SMAD9: variants seen among roughly 807,000 people sequenced by gnomAD.
SMAD9 encodes the protein MAD homolog 9.
SMAD9 carries 36 observed loss-of-function variants against 46.1 expected under a neutral mutation model. That is an observed-to-expected ratio of 0.78 (90% CI 0.60 to 1.03). The LOEUF (loss-of-function observed/expected upper bound fraction) is 1.03. Among genes scored for constraint, SMAD9 ranks in the 50% least tolerant of loss-of-function variants. SMAD9 has a pLI of 0.00. For missense variants in SMAD9, 572 were observed against 599.8 expected, an observed-to-expected ratio of 0.95 and a Z score of 0.48; for synonymous variants, 245 against 237.1, an observed-to-expected ratio of 1.03 and a Z score of -0.31.
chr13:36,865,827 C>T (rs3748305), intron 4 of SMAD9, 69 bp from the exon 5 acceptor site: 1 of 1,289,754 alleles, frequency 7.8e-7, no homozygotes, highest in Non-Finnish European at 1.1e-6. Context: ...ATGATTCCAC[C>T]AGGAAACTTA....
intron 1 of SMAD9, among the ~76,000 whole-genome samples, chr13:36,914,173 C>T (rs1413574853): frequency 1.3e-5 from 2 of 152,144 alleles, no homozygotes; most frequent in Admixed American, 6.5e-5. Context: ...ACCCTCTTTC[C>T]ACACTTAGGT....
intron 5 of SMAD9, among the ~76,000 whole-genome samples, chr13:36,854,603 C>G (rs2058105427): frequency 1.3e-5 from 2 of 152,104 alleles, no homozygotes; most frequent in African/African-American, 4.8e-5. Flanking sequence ...AACTCCCAAC[C>G]TCAAGTAATC....
intron 1 of SMAD9, among the ~76,000 whole-genome samples, chr13:36,911,377 C>T (rs765737661): frequency 4.6e-5 from 7 of 152,090 alleles, no homozygotes; most frequent in East Asian, 1.9e-4. Flanking sequence ...GCTTTACTAA[C>T]GCAATACAAT....
chr13:36,867,279 T>C lies in SMAD9; in HGVS notation c.775A>G (p.Asn259Asp). 1 of 1,539,414 alleles carries C rather than the reference T, an allele frequency of 6.5e-7. No individual in the cohort carries two copies. Reference sequence around the variant, plus strand: ...CTGTTCATCTGCAATTTACCTCCATTTGGTATCGATAGCACTACATGTCTA... The same window carrying C: ...CTGTTCATCTGCAATTTACCTCCATCTGGTATCGATAGCACTACATGTCTA... ...ADRHVVLSIP[N>D]GDFRPVCYEE... The change falls in exon 4 of 7, where the codon AAT becomes GAT. Residue 259 changes from asparagine (N) to aspartate (D), a missense_variant. Asn to Asp is a conservative substitution (Grantham distance 23, BLOSUM62 1). Coordinates refer to ENST00000379826, the MANE Select transcript of SMAD9 (RefSeq NM_001127217.3).
At chr13:36,868,531 G>C (rs1467319488) in intron 3 of SMAD9, among the ~76,000 whole-genome samples, 1 of 152,116 alleles carries the variant, frequency 6.6e-6, no homozygotes, top group Non-Finnish European at 1.5e-5. Flanking sequence ...CCTGAGTCCA[G>C]GGGTTTGAGG....
chr13:36,900,114 C>T (rs1191205956), intron 1 of SMAD9, among the ~76,000 whole-genome samples: 2 of 152,116 alleles, frequency 1.3e-5, no homozygotes, highest in African/African-American at 4.8e-5. Context: ...TCTACTCCTG[C>T]CACAAATGCC....
At chr13:36,865,843 T>C (rs533765434) in intron 4 of SMAD9, 85 bp from the exon 5 acceptor site, 2 of 1,140,838 alleles carry the variant, frequency 1.8e-6, no homozygotes, top group African/African-American at 1.5e-5. Flanking sequence ...ACTTAGTTAA[T>C]GCTTTTCACC....
Position 36,903,696 on chromosome 13 carries a change from G to C in SMAD9, c.-187+16420C>G, listed in dbSNP as rs556643030. The stretch of plus-strand genomic sequence containing the variant: ...GTATACAAGTAATTCTTCTAGATAA[G>C]TTAATTTTACAGTCATACTATATAT... On this transcript the variant is annotated intron_variant, in intron 1 of 6. Transcript: ENST00000379826. 2.1e-4 allele frequency among the ~76,000 whole-genome samples: 32 copies of C among 152,168 alleles called. No individual in the cohort carries two copies. In the South Asian group the frequency reaches 6.6e-3, roughly 32 times the overall value.
chr13:36,882,910 G>A (rs147915691), intron 1 of SMAD9, among the ~76,000 whole-genome samples: 1 of 152,294 alleles, frequency 6.6e-6, no homozygotes, highest in African/African-American at 2.4e-5. Context: ...TCTGCAGTGA[G>A]CTATGACTGC....
Position 36,893,439 on chromosome 13 carries a change from TAA to T in SMAD9, c.-186-13566_-186-13565del, listed in dbSNP as rs1491232681. Among the ~76,000 whole-genome samples the T allele has an allele frequency of 1.9e-3, 281 of 146,718 alleles. 2 individuals carry two copies. The highest frequency in any genetic ancestry group is 5.5e-3 in the East Asian group (28 of 5,108). On this transcript the variant is annotated intron_variant, in intron 1 of 6. Transcript: ENST00000379826. The stretch of plus-strand genomic sequence containing the variant: ...ACAGATATATATATAAATATAAATA[TAA>T]ATATATATATATATACACATAAAGA...
chr13:36,872,740 C>A lies in SMAD9; in HGVS notation c.588G>T (p.Ala196=). The change falls in exon 3 of 7, where the codon GCG becomes GCT. Residue 196 remains alanine, a synonymous_variant. Transcript: ENST00000379826. The part of the protein sequence containing the change: ...CSALPPSPSH[A]FSQSPCTASY... ...TGGCCGTGCACGGGGACTGGGAGAA[C>A]GCGTGGCTGGGTGAGGGAGGGAGTG... 6.2e-7 allele frequency: 1 copy of A among 1,613,946 alleles called. No individual in the cohort carries two copies. The highest frequency in any genetic ancestry group is 8.5e-7 in the Non-Finnish European group (1 of 1,179,986).
intron 1 of SMAD9, among the ~76,000 whole-genome samples, chr13:36,919,558 G>A (rs1034745269): frequency 6.6e-6 from 1 of 152,032 alleles, no homozygotes; most frequent in Admixed American, 6.5e-5. Context: ...TTTAAAAGTG[G>A]CCCCCAAAGA....
intron 1 of SMAD9, among the ~76,000 whole-genome samples, chr13:36,900,384 G>A (rs1215705053): frequency 1.3e-5 from 2 of 151,986 alleles, no homozygotes; most frequent in African/African-American, 4.8e-5. Context: ...AGGTTCAAGT[G>A]ATTCTCCTGC....
At chr13:36,908,907 GA>G (rs1283978079) in intron 1 of SMAD9, among the ~76,000 whole-genome samples, 30 of 152,144 alleles carry the variant, frequency 2.0e-4, no homozygotes, top group Admixed American at 1.5e-3. Context: ...TGGCCCAAAT[GA>G]AGACTCTTGG....
At chr13:36,883,732 CAG>C (rs1186713772) in intron 1 of SMAD9, among the ~76,000 whole-genome samples, 2 of 152,132 alleles carry the variant, frequency 1.3e-5, no homozygotes, top group East Asian at 1.9e-4. Flanking sequence ...GCCTGGGCAA[CAG>C]AGAGAGACCC....
At chr13:36,912,589 C>CA (rs1268445797) in intron 1 of SMAD9, among the ~76,000 whole-genome samples, 1 of 152,112 alleles carries the variant, frequency 6.6e-6, no homozygotes, top group African/African-American at 2.4e-5. Flanking sequence ...CAAACTCACT[C>CA]ACCCTTGAAC....
chr13:36,873,855 C>G (rs1403616949), intron 2 of SMAD9, among the ~76,000 whole-genome samples: 2 of 152,122 alleles, frequency 1.3e-5, no homozygotes, highest in African/African-American at 4.8e-5. Flanking sequence ...AAGAGTGAAA[C>G]TCTGTCTCAA....
chr13:36,847,030 C>A lies in SMAD9; in HGVS notation c.*1646G>T, dbSNP rs976845746. The A allele has an allele frequency of 3.9e-5, 6 of 152,128 alleles. No individual in the cohort carries two copies. Among genetic ancestry groups the A allele is most frequent in the Non-Finnish European group, 7.4e-5 (5 of 68,012 alleles). 9.4% of individuals were successfully genotyped at this position (152,128 alleles called of 1,614,324 possible). ...AAACTACAGATTTTTCTATACACTA[C>A]ATGGGCCATATATTACATTTTTCAA... On this transcript the variant is annotated 3_prime_UTR_variant, in exon 7 of 7. Coordinates refer to ENST00000379826, the MANE Select transcript of SMAD9 (RefSeq NM_001127217.3).
intron 1 of SMAD9, among the ~76,000 whole-genome samples, chr13:36,884,750 T>C (rs557212829): frequency 2.6e-5 from 4 of 152,354 alleles, no homozygotes; most frequent in African/African-American, 9.6e-5. Context: ...AAGGTTCAGT[T>C]GGTGATTTTA....
Sources: gnomAD v4.1 joint callset for allele counts (sites outside exome capture counted in the v4.1 genomes callset) on GRCh38, gnomAD v4.1.1 for gene constraint, MANE v1.5 for transcripts, NCBI Gene and HGNC (gene_info 2026-07-23, HGNC 2026-07-21) for gene names.